Variants in SDK1 observed in about 807,000 individuals in gnomAD.
The protein encoded by SDK1 is sidekick cell adhesion molecule 1.
Under a neutral mutation model 245.5 loss-of-function variants are expected in SDK1, and 157 were observed. That is an observed-to-expected ratio of 0.64 (90% confidence interval 0.56 to 0.73). The LOEUF (loss-of-function observed/expected upper bound fraction) is 0.73. SDK1 is among the 30% of genes least tolerant of loss of function. The probability of loss-of-function intolerance (pLI) is 0.00; values close to 1 mark genes in which losing one functional copy is unlikely to be tolerated. For synonymous variants in SDK1, 1,647 were observed against 1,278.5 expected (o/e 1.29, Z -6.15); for missense variants, 3,583 against 3,002.3 (o/e 1.19, Z -4.52).
At chr7:3,302,956 T>C (rs1392098671) in intron 1 of SDK1, among the ~76,000 whole-genome samples, 3 of 151,974 alleles carry the variant, frequency 2.0e-5, no homozygotes, top group African/African-American at 4.8e-5. Flanking sequence ...TTAAATGTTG[T>C]AACATTTTAA....
intron 4 of SDK1, among the ~76,000 whole-genome samples, chr7:3,666,580 G>A (rs1783541063): frequency 6.6e-6 from 1 of 152,116 alleles, no homozygotes; most frequent in East Asian, 1.9e-4. Flanking sequence ...CATGGCTTGG[G>A]CCTTGCTTCT....
intron 4 of SDK1, among the ~76,000 whole-genome samples, chr7:3,806,210 C>G (rs960390303): frequency 6.6e-6 from 1 of 152,258 alleles, no homozygotes; most frequent in Non-Finnish European, 1.5e-5. Context: ...CCAAGACAAT[C>G]TTCCCATCTT....
intron 4 of SDK1, among the ~76,000 whole-genome samples, chr7:3,702,532 T>G (rs1212284338): frequency 1.3e-5 from 2 of 152,194 alleles, no homozygotes; most frequent in Admixed American, 6.5e-5. Context: ...CTCACCTGCT[T>G]AGTCTTCTGC....
At chr7:3,885,222 G>A (rs1214045322) in intron 5 of SDK1, among the ~76,000 whole-genome samples, 2 of 152,184 alleles carry the variant, frequency 1.3e-5, no homozygotes, top group Non-Finnish European at 2.9e-5. Context: ...GGCTGGTTTT[G>A]AGCGAGTGCT....
Position 3,853,114 on chromosome 7 carries a change from G to A in SDK1, c.847+31531G>A, listed in dbSNP as rs182945820. On this transcript the variant is annotated intron_variant, in intron 5 of 44. Coordinates refer to ENST00000404826, the MANE Select transcript of SDK1 (RefSeq NM_152744.4). The stretch of plus-strand genomic sequence containing the variant: ...TCCACGTACGCAGGCTTCACATCCT[G>A]TGAATACTGTATTTTCAATCCACAC... Among the ~76,000 whole-genome samples, 41 of 151,700 alleles carry A rather than the reference G, an allele frequency of 2.7e-4. No homozygotes were observed. In the East Asian group the frequency reaches 7.6e-3, roughly 28 times the overall value.
intron 25 of SDK1, among the ~76,000 whole-genome samples, chr7:4,115,025 A>G (rs942786427): frequency 6.6e-6 from 1 of 152,192 alleles, no homozygotes; most frequent in East Asian, 1.9e-4. Flanking sequence ...TGGCTGCCTA[A>G]TCTTCTGGGC....
chr7:4,068,402 G>A (rs1028157957), intron 20 of SDK1, among the ~76,000 whole-genome samples: 2 of 152,210 alleles, frequency 1.3e-5, no homozygotes, highest in African/African-American at 4.8e-5. Context: ...TGGGCAGCCA[G>A]CCTTCTCAGA....
At chr7:4,106,575 C>T (rs1244832350) in intron 22 of SDK1, among the ~76,000 whole-genome samples, 2 of 152,128 alleles carry the variant, frequency 1.3e-5, no homozygotes, top group East Asian at 1.9e-4. Flanking sequence ...GGATTACAGG[C>T]GTGAGCCACC....
chr7:3,650,619 C>G (rs1447057491), intron 4 of SDK1, among the ~76,000 whole-genome samples: 1 of 152,184 alleles, frequency 6.6e-6, no homozygotes, highest in East Asian at 1.9e-4. Flanking sequence ...AACCAGGATA[C>G]TGACTTTGAT....
At chr7:3,365,949 G>C (rs1400398474) in intron 1 of SDK1, among the ~76,000 whole-genome samples, 1 of 151,484 alleles carries the variant, frequency 6.6e-6, no homozygotes, top group East Asian at 1.9e-4. Context: ...TGAGGCAGGA[G>C]AATTGCTTGA....
intron 5 of SDK1, among the ~76,000 whole-genome samples, chr7:3,940,825 A>G (rs2128121330): frequency 6.6e-6 from 1 of 151,852 alleles, no homozygotes; most frequent in Admixed American, 6.6e-5. Context: ...AATAATAGTA[A>G]ATTAATTAAA....
intron 5 of SDK1, among the ~76,000 whole-genome samples, chr7:3,825,690 G>T (rs780156832): frequency 4.6e-5 from 7 of 152,162 alleles, no homozygotes; most frequent in African/African-American, 9.7e-5. Flanking sequence ...CTCACGTAGG[G>T]TTAGTAGTTG....
At chr7:3,826,389 A>G (rs1380640073) in intron 5 of SDK1, among the ~76,000 whole-genome samples, 1 of 152,174 alleles carries the variant, frequency 6.6e-6, no homozygotes, top group Admixed American at 6.6e-5. Context: ...TCTTGATACA[A>G]TCTAGTTTTT....
At chr7:3,809,775 T>G (rs1354110738) in intron 4 of SDK1, among the ~76,000 whole-genome samples, 1 of 152,184 alleles carries the variant, frequency 6.6e-6, no homozygotes, top group Non-Finnish European at 1.5e-5. Flanking sequence ...GAGGGTCAAG[T>G]CCTCTGCCTG....
intron 1 of SDK1, among the ~76,000 whole-genome samples, chr7:3,329,929 A>C (rs1476273195): frequency 6.6e-6 from 1 of 152,204 alleles, no homozygotes; most frequent in Non-Finnish European, 1.5e-5. Flanking sequence ...ATATGCAAAT[A>C]CTATGCTGTT....
At chr7:4,015,096 C>T (rs541878533) in intron 16 of SDK1, among the ~76,000 whole-genome samples, 1 of 152,250 alleles carries the variant, frequency 6.6e-6, no homozygotes, top group African/African-American at 2.4e-5. Flanking sequence ...GAGTGCTTTA[C>T]ACCTTCACAT....
chr7:3,537,387 G>T lies in SDK1; in HGVS notation c.299-81693G>T, dbSNP rs145237832. Among the ~76,000 whole-genome samples, 768 of 152,268 alleles carry T rather than the reference G, an allele frequency of 5.0e-3. 7 individuals carry two copies. Among genetic ancestry groups the T allele is most frequent in the African/African-American group, 0.018 (745 of 41,544 alleles). ...CCAGGGCCTGGCCTCAGGTCCATGT[G>T]CCCCTGAGCTCTTTCCCCTAATCCT... On this transcript the variant is annotated intron_variant, in intron 1 of 44. Transcript: ENST00000404826.
At chr7:3,848,004 C>A (rs35261333) in intron 5 of SDK1, among the ~76,000 whole-genome samples, 34,360 of 152,246 alleles carry the variant, frequency 0.23, 4,248 homozygotes, top group Middle Eastern at 0.36. Flanking sequence ...ATACGTATCA[C>A]ATCTACCCAT....
chr7:3,943,355 C>T (rs924268009), intron 5 of SDK1, among the ~76,000 whole-genome samples: 1 of 7,072 alleles, frequency 1.4e-4, no homozygotes, highest in Non-Finnish European at 3.1e-4. Flanking sequence ...TTGGCCTCTG[C>T]CTCCCCGTCC....
Sources: allele counts gnomAD v4.1 joint callset (sites outside exome capture counted in the v4.1 genomes callset), GRCh38; gene constraint gnomAD v4.1.1; transcripts MANE v1.5; gene names NCBI Gene and HGNC (gene_info 2026-07-23, HGNC 2026-07-21).